Variants in KCNQ3 observed in about 807,000 individuals in gnomAD.
The protein encoded by KCNQ3 is potassium voltage-gated channel subfamily Q member 3.
Under a neutral mutation model 92.5 loss-of-function variants are expected in KCNQ3, and 30 were observed. The ratio of observed to expected loss-of-function variants is 0.32; its 90% CI spans 0.24 to 0.44. The LOEUF is 0.44. Ranked by LOEUF, KCNQ3 falls within the 20% of genes least tolerant of loss-of-function variation. KCNQ3 has a pLI of 1.00. For missense variants in KCNQ3, 913 were observed against 1,140.3 expected (o/e 0.80, Z 2.87); for synonymous variants, 450 against 468.8 (o/e 0.96, Z 0.52).
At chr8:132,168,137 G>C (rs533579107) in intron 8 of KCNQ3, among the ~76,000 whole-genome samples, 26 of 152,038 alleles carry the variant, frequency 1.7e-4, no homozygotes, top group Admixed American at 3.3e-4. Flanking sequence ...GGTCCCTTTT[G>C]CCTGTTCTCT....
At chr8:132,477,917 G>A (rs1219573179) in intron 1 of KCNQ3, among the ~76,000 whole-genome samples, 28 of 152,198 alleles carry the variant, frequency 1.8e-4, no homozygotes, top group Admixed American at 1.8e-3. Flanking sequence ...TGAACCCACT[G>A]CATTCAAATG....
chr8:132,419,375 A>G (rs1820905845), intron 1 of KCNQ3, among the ~76,000 whole-genome samples: 1 of 152,198 alleles, frequency 6.6e-6, no homozygotes, highest in South Asian at 2.1e-4. Context: ...GCAATAATAA[A>G]TGCAACATTT....
chr8:132,258,373 T>C (rs1467738711), intron 1 of KCNQ3, among the ~76,000 whole-genome samples: 1 of 152,064 alleles, frequency 6.6e-6, no homozygotes, highest in Non-Finnish European at 1.5e-5. Flanking sequence ...AATTCATAAA[T>C]ATATGAAAAT....
intron 1 of KCNQ3, among the ~76,000 whole-genome samples, chr8:132,410,027 G>C (rs960721599): frequency 6.6e-6 from 1 of 152,182 alleles, no homozygotes; most frequent in African/African-American, 2.4e-5. Flanking sequence ...TACTCAGGAG[G>C]ATGAGGCAAG....
chr8:132,163,317 G>A (rs1826046550), intron 9 of KCNQ3, 151 bp downstream of exon 9: 3 of 726,902 alleles, frequency 4.1e-6, no homozygotes, highest in African/African-American at 1.7e-5. Context: ...AGGAAACCAG[G>A]CAGAGGACTA....
intron 1 of KCNQ3, among the ~76,000 whole-genome samples, chr8:132,187,903 ATGG>A (rs1253337459): frequency 1.8e-3 from 101 of 55,136 alleles, no homozygotes; most frequent in Non-Finnish European, 1.9e-3. Flanking sequence ...GGTGGTGGTG[ATGG>A]TGGTGGTGGT....
chr8:132,341,178 G>A (rs1013283928), intron 1 of KCNQ3, among the ~76,000 whole-genome samples: 11 of 152,308 alleles, frequency 7.2e-5, no homozygotes, highest in East Asian at 3.9e-4. Flanking sequence ...AAGCCAAAGC[G>A]TCAAACACTG....
At chr8:132,172,492 G>T in intron 7 of KCNQ3, 106 bp downstream of exon 7, 1 of 1,026,328 alleles carries the variant, frequency 9.7e-7, no homozygotes, top group Non-Finnish European at 1.5e-6. Context: ...CAGTTCATGA[G>T]TATGTCCCCT....
At chr8:132,316,671 C>G (rs558728203) in intron 1 of KCNQ3, among the ~76,000 whole-genome samples, 1 of 152,224 alleles carries the variant, frequency 6.6e-6, no homozygotes, top group African/African-American at 2.4e-5. Flanking sequence ...AAGACATCCA[C>G]CCTCTCTGAA....
At chr8:132,393,614 ATGATT>A (rs572849801) in intron 1 of KCNQ3, among the ~76,000 whole-genome samples, 8 of 152,204 alleles carry the variant, frequency 5.3e-5, no homozygotes, top group Non-Finnish European at 8.8e-5. Context: ...AATGGGCTGA[ATGATT>A]TAACAACTAA....
At chr8:132,415,159 G>T (rs1820762145) in intron 1 of KCNQ3, among the ~76,000 whole-genome samples, 1 of 152,174 alleles carries the variant, frequency 6.6e-6, no homozygotes, top group African/African-American at 2.4e-5. Flanking sequence ...ACCATCTACT[G>T]CCTCAACCTC....
chr8:132,170,286 G>C, intron 8 of KCNQ3, 48 bp downstream of exon 8: 2 of 1,347,676 alleles, frequency 1.5e-6, no homozygotes, highest in East Asian at 2.3e-5. Context: ...CAGACCGCAG[G>C]AGAGATGGCT....
chr8:132,404,184 A>G (rs1820418812), intron 1 of KCNQ3, among the ~76,000 whole-genome samples: 1 of 152,214 alleles, frequency 6.6e-6, no homozygotes, highest in Non-Finnish European at 1.5e-5. Flanking sequence ...GATGCTCTGT[A>G]GAGTCGTGGT....
At chr8:132,368,612 C>T (rs558650013) in intron 1 of KCNQ3, among the ~76,000 whole-genome samples, 2 of 151,276 alleles carry the variant, frequency 1.3e-5, no homozygotes, top group South Asian at 4.2e-4. Context: ...GTGATTGTGC[C>T]ACTGCACTCC....
At chr8:132,283,437 C>G (rs1421833090) in intron 1 of KCNQ3, among the ~76,000 whole-genome samples, 1 of 152,188 alleles carries the variant, frequency 6.6e-6, no homozygotes, top group East Asian at 1.9e-4. Context: ...GAAACACACT[C>G]AAAGGAAAGA....
At chr8:132,459,383 G>A (rs1244227664) in intron 1 of KCNQ3, among the ~76,000 whole-genome samples, 1 of 152,160 alleles carries the variant, frequency 6.6e-6, no homozygotes, top group Non-Finnish European at 1.5e-5. Flanking sequence ...ATCCAGTGAG[G>A]ACCTCCAGTT....
At chr8:132,463,956 G>A (rs1192608689) in intron 1 of KCNQ3, among the ~76,000 whole-genome samples, 7 of 152,246 alleles carry the variant, frequency 4.6e-5, no homozygotes, top group African/African-American at 1.2e-4. Flanking sequence ...AGGCTGAGGC[G>A]GGTGGACCAC....
intron 1 of KCNQ3, among the ~76,000 whole-genome samples, chr8:132,361,289 T>G (rs1243016128): frequency 3.3e-5 from 5 of 152,210 alleles, no homozygotes; most frequent in Non-Finnish European, 5.9e-5. Flanking sequence ...ACTCATCTGA[T>G]GCTTCTGCGG....
intron 1 of KCNQ3, among the ~76,000 whole-genome samples, chr8:132,295,322 A>G (rs1451942164): frequency 2.6e-5 from 4 of 152,242 alleles, no homozygotes; most frequent in Admixed American, 2.6e-4. Flanking sequence ...TGCAAATCAA[A>G]CCACAATGAG....
Sources: gnomAD v4.1 joint callset for allele counts (sites outside exome capture counted in the v4.1 genomes callset) on GRCh38, gnomAD v4.1.1 for gene constraint, MANE v1.5 for transcripts, NCBI Gene and HGNC (gene_info 2026-07-23, HGNC 2026-07-21) for gene names.